MYO16: variants seen among roughly 807,000 people sequenced by gnomAD.
MYO16 encodes the protein unconventional myosin-XVI.
In MYO16, 94 loss-of-function variants were observed where a neutral mutation model predicts 205.3. The observed-to-expected ratio is 0.46, with a 90% CI of 0.39 to 0.54. The LOEUF is 0.54. MYO16 is among the 20% of genes least tolerant of loss of function. The pLI is 0.00. For synonymous variants in MYO16, 988 were observed against 954.0 expected (o/e 1.04, Z -0.66); for missense variants, 2,315 against 2,387.5 (o/e 0.97, Z 0.63).
At chr13:108,938,192 A>G (rs1882576020) in intron 16 of MYO16, among the ~76,000 whole-genome samples, 1 of 151,876 alleles carries the variant, frequency 6.6e-6, no homozygotes, top group African/African-American at 2.4e-5. Context: ...GTGTACACCT[A>G]TGTACTTTTT....
Position 108,812,638 on chromosome 13 carries a change from G to C in MYO16, c.867+5834G>C, listed in dbSNP as rs78130873. On this transcript the variant is annotated intron_variant, in intron 7 of 34. Transcript: ENST00000457511. ...GGATTTCAACCAAAGGCAATATCTT[G>C]TGAGCAACACCGTATTTAATGGTTG... 3.9e-3 allele frequency among the ~76,000 whole-genome samples: 588 copies of C among 152,288 alleles called. 4 individuals are homozygous for C. Among genetic ancestry groups the C allele is most frequent in the African/African-American group, 0.014 (566 of 41,564 alleles).
intron 5 of MYO16, among the ~76,000 whole-genome samples, chr13:108,788,655 A>G (rs1221485598): frequency 6.6e-6 from 1 of 152,188 alleles, no homozygotes; most frequent in East Asian, 1.9e-4. Context: ...TTGAGTTCCT[A>G]GTATCCTGTG....
chr13:108,774,566 TC>T (rs1456355860), intron 4 of MYO16, among the ~76,000 whole-genome samples: 1 of 152,190 alleles, frequency 6.6e-6, no homozygotes, highest in Admixed American at 6.5e-5. Context: ...ATTTTTTTTT[TC>T]GGAGCCAAAC....
At chr13:108,769,443 A>G (rs540294083) in intron 4 of MYO16, among the ~76,000 whole-genome samples, 2 of 152,282 alleles carry the variant, frequency 1.3e-5, no homozygotes, top group Middle Eastern at 3.4e-3. Flanking sequence ...CCACAGAGAC[A>G]CTTGAAAACC....
chr13:108,801,166 T>G (rs1886958441), intron 6 of MYO16, among the ~76,000 whole-genome samples: 2 of 152,178 alleles, frequency 1.3e-5, no homozygotes, highest in South Asian at 4.1e-4. Flanking sequence ...CACCTCTTAC[T>G]AGAAAATAAA....
chr13:109,196,903 CCAAA>C (rs796105342), intron 34 of MYO16, among the ~76,000 whole-genome samples: 2 of 152,172 alleles, frequency 1.3e-5, no homozygotes, highest in African/African-American at 4.8e-5. Context: ...AGCTTATTCA[CCAAA>C]CAATTTTGTT....
the MYO16 span, among the ~76,000 whole-genome samples, chr13:108,544,082 A>AG: frequency 6.6e-6 from 1 of 151,648 alleles, no homozygotes; most frequent in African/African-American, 2.4e-5. Flanking sequence ...AAAAAAAAAA[A>AG]AAAAAAAGAG....
chr13:108,762,546 T>G (rs1010207727), intron 4 of MYO16, among the ~76,000 whole-genome samples: 13 of 152,192 alleles, frequency 8.5e-5, no homozygotes, highest in African/African-American at 2.7e-4. Context: ...AGATGATATC[T>G]CTTTGTGGTT....
At chr13:108,872,126 C>T (rs773217067) in intron 12 of MYO16, among the ~76,000 whole-genome samples, 3 of 152,104 alleles carry the variant, frequency 2.0e-5, no homozygotes, top group African/African-American at 4.8e-5. Flanking sequence ...GAGAGAGAAA[C>T]GCACCCAATT....
chr13:108,550,191 C>G, the MYO16 span, among the ~76,000 whole-genome samples: 3 of 152,268 alleles, frequency 2.0e-5, no homozygotes, highest in African/African-American at 7.2e-5. Context: ...CACCCATCTG[C>G]TCTTCGACAC....
At chr13:108,876,329 T>G (rs530059852) in intron 12 of MYO16, among the ~76,000 whole-genome samples, 119 of 152,304 alleles carry the variant, frequency 7.8e-4, no homozygotes, top group African/African-American at 2.8e-3. Context: ...CATGTACTTT[T>G]GTGATTGGGA....
At chr13:109,148,706 C>T (rs1277113230) in intron 32 of MYO16, among the ~76,000 whole-genome samples, 1 of 152,176 alleles carries the variant, frequency 6.6e-6, no homozygotes, top group Non-Finnish European at 1.5e-5. Flanking sequence ...CCCAAAATGT[C>T]AGTGACGTGG....
upstream of MYO16, among the ~76,000 whole-genome samples, chr13:108,592,513 G>A (rs1281681013): frequency 9.2e-6 from 1 of 109,114 alleles, no homozygotes; most frequent in Non-Finnish European, 1.9e-5. Flanking sequence ...GGGTGTGGGG[G>A]TTGTATAGGG....
chr13:108,964,923 G>A (rs11843242), intron 20 of MYO16, 21 bp downstream of exon 20: 167,210 of 1,611,264 alleles, frequency 0.1, 11,107 homozygotes, highest in African/African-American at 0.32. Flanking sequence ...ATGGATGTTC[G>A]GTTCTGTTGT....
At chr13:109,028,142 A>G (rs1299285028) in intron 23 of MYO16, among the ~76,000 whole-genome samples, 1 of 151,978 alleles carries the variant, frequency 6.6e-6, no homozygotes, top group Admixed American at 6.6e-5. Flanking sequence ...ATTATATTAC[A>G]GTATTTTCTG....
At chr13:109,027,199 C>T (rs539959687) in intron 23 of MYO16, among the ~76,000 whole-genome samples, 2 of 152,282 alleles carry the variant, frequency 1.3e-5, no homozygotes, top group South Asian at 4.1e-4. Context: ...CAGTTCCTGG[C>T]TTGCAAACCT....
intron 12 of MYO16, among the ~76,000 whole-genome samples, chr13:108,866,803 TAAC>T (rs1050086086): frequency 1.3e-5 from 2 of 152,114 alleles, no homozygotes; most frequent in African/African-American, 4.8e-5. Context: ...ATTTTTTGTG[TAAC>T]AACAAGGCTG....
At chr13:108,969,035 T>C (rs1010097063) in intron 20 of MYO16, among the ~76,000 whole-genome samples, 4 of 152,206 alleles carry the variant, frequency 2.6e-5, no homozygotes, top group Admixed American at 2.6e-4. Flanking sequence ...CTTGAAAGAT[T>C]GAGGGACAGT....
intron 5 of MYO16, among the ~76,000 whole-genome samples, chr13:108,791,748 T>C (rs980395221): frequency 6.6e-6 from 1 of 152,248 alleles, no homozygotes; most frequent in African/African-American, 2.4e-5. Flanking sequence ...GTTTCTGCTA[T>C]AGAGCTACAT....
Sources: gnomAD v4.1 joint callset for allele counts (sites outside exome capture counted in the v4.1 genomes callset) on GRCh38, gnomAD v4.1.1 for gene constraint, MANE v1.5 for transcripts, NCBI Gene and HGNC (gene_info 2026-07-23, HGNC 2026-07-21) for gene names.